DLGAP1: variants seen among roughly 807,000 people sequenced by gnomAD.
DLGAP1 encodes disks large-associated protein 1.
In DLGAP1, 11 loss-of-function variants were observed where a neutral mutation model predicts 90.8. The observed-to-expected ratio is 0.12, with a 90% CI of 0.08 to 0.20. DLGAP1 has a LOEUF of 0.20. DLGAP1 is among the 10% of genes least tolerant of loss of function. DLGAP1 has a pLI of 1.00. For missense variants in DLGAP1, 1,050 were observed against 1,333.8 expected (o/e 0.79, Z 3.31); for synonymous variants, 558 against 540.7 (o/e 1.03, Z -0.44).
chr18:4,061,025 T>A (rs4564683), intron 2 of DLGAP1, among the ~76,000 whole-genome samples: 11,416 of 152,074 alleles, frequency 0.075, 689 homozygotes, highest in African/African-American at 0.17. Flanking sequence ...TGGGGACATA[T>A]AAAGCTAGCC....
intron 1 of DLGAP1, among the ~76,000 whole-genome samples, chr18:4,433,037 G>C (rs553275959): frequency 6.6e-6 from 1 of 152,166 alleles, no homozygotes; most frequent in Non-Finnish European, 1.5e-5. Flanking sequence ...TAAAGTGGAG[G>C]GCCCCTCTGG....
chr18:4,158,658 A>G (rs1377503084), intron 1 of DLGAP1, among the ~76,000 whole-genome samples: 3 of 152,204 alleles, frequency 2.0e-5, no homozygotes, highest in Admixed American at 6.5e-5. Context: ...ACTTGACCAA[A>G]GTTCCTAATT....
rs1373509827 is a variant in DLGAP1 at position 4,053,124 on chromosome 18, C to T, written c.-158-47923G>A. ...CAAGTATCTTTACAGCAACGCCCTA[C>T]TGTCTGCAGTACCAATTTACTATAT... On this transcript the variant is annotated intron_variant, in intron 2 of 12. Coordinates refer to ENST00000315677, the MANE Select transcript of DLGAP1 (RefSeq NM_004746.4). 2.0e-5 allele frequency among the ~76,000 whole-genome samples: 3 copies of T among 152,192 alleles called. No homozygotes were observed. In the East Asian group the frequency reaches 5.8e-4, roughly 29 times the overall value.
chr18:3,924,560 GT>G (rs574421248), intron 3 of DLGAP1, among the ~76,000 whole-genome samples: 70 of 152,276 alleles, frequency 4.6e-4, no homozygotes, highest in African/African-American at 1.6e-3. Context: ...ACCCTTGGAG[GT>G]GAACTTGTTC....
intron 1 of DLGAP1, among the ~76,000 whole-genome samples, chr18:4,211,518 G>C (rs948183476): frequency 1.3e-5 from 2 of 152,140 alleles, no homozygotes; most frequent in African/African-American, 2.4e-5. Flanking sequence ...GATACCAATT[G>C]ATGTTGTATT....
At chr18:3,856,373 T>G (rs1219891736) in intron 4 of DLGAP1, among the ~76,000 whole-genome samples, 2 of 152,086 alleles carry the variant, frequency 1.3e-5, no homozygotes, top group Non-Finnish European at 2.9e-5. Context: ...AAAATAAGGT[T>G]GAATGCAAGA....
At chr18:4,419,482 GAAAT>G (rs1222737292) in intron 1 of DLGAP1, among the ~76,000 whole-genome samples, 3 of 152,118 alleles carry the variant, frequency 2.0e-5, no homozygotes, top group African/African-American at 7.2e-5. Flanking sequence ...TCTACACAAA[GAAAT>G]AAAGAGTGCT....
intron 3 of DLGAP1, among the ~76,000 whole-genome samples, chr18:4,000,237 T>TCCC (rs10646705): frequency 0.95 from 144,850 of 152,150 alleles, 68,956 homozygotes; most frequent in East Asian, 1. Flanking sequence ...TTTACTTTTC[T>TCCC]CATCCTACTA....
At chr18:4,239,100 G>A (rs2078477097) in intron 1 of DLGAP1, among the ~76,000 whole-genome samples, 1 of 152,182 alleles carries the variant, frequency 6.6e-6, no homozygotes, top group African/African-American at 2.4e-5. Context: ...AGTGCTGTTG[G>A]TATCACAGTC....
In DLGAP1 at chr18:3,650,284, T is replaced by A. The variant is rs145964588; in HGVS notation, c.1592-68036A>T. On this transcript the variant is annotated intron_variant, in intron 7 of 12. Transcript: ENST00000315677. ...ATCTTGAACTCCTGACCTCAAGTGA[T>A]GCTCCTGCTTCAGCCTCCCAAAGTG... 4.7e-3 allele frequency among the ~76,000 whole-genome samples: 714 copies of A among 152,286 alleles called. 6 individuals are homozygous for A. Among genetic ancestry groups the A allele is most frequent in the African/African-American group, 0.015 (638 of 41,562 alleles).
chr18:3,845,177 G>C, intron 4 of DLGAP1: 1 of 1,596,230 alleles, frequency 6.3e-7, no homozygotes. Flanking sequence ...CAGAAATCAA[G>C]CACAAAGAAA....
Position 4,088,549 on chromosome 18 carries a change from C to A in DLGAP1, c.-159+62631G>T, listed in dbSNP as rs138163059. Reference sequence around the variant, plus strand: ...TAGATTGTTTCTGCCTAATGAGTGCCTTTAACCATTCTTGTAGCACTGTCT... The same window carrying A: ...TAGATTGTTTCTGCCTAATGAGTGCATTTAACCATTCTTGTAGCACTGTCT... On this transcript the variant is annotated intron_variant, in intron 2 of 12. Transcript: ENST00000315677. 4.0e-3 allele frequency among the ~76,000 whole-genome samples: 608 copies of A among 152,114 alleles called. 2 individuals carry two copies. The highest frequency in any genetic ancestry group is 0.014 in the African/African-American group (564 of 41,500).
chr18:4,280,809 T>C (rs1036662695), intron 1 of DLGAP1: 1 of 152,196 alleles, frequency 6.6e-6, no homozygotes, highest in Non-Finnish European at 1.5e-5. Context: ...CTAACAGTGG[T>C]TGGGCATAGA....
intron 3 of DLGAP1, among the ~76,000 whole-genome samples, chr18:3,944,273 G>A (rs1275074486): frequency 6.6e-6 from 1 of 152,182 alleles, no homozygotes; most frequent in Non-Finnish European, 1.5e-5. Context: ...TGAGGCGAGT[G>A]GATCATGGAG....
intron 3 of DLGAP1, among the ~76,000 whole-genome samples, chr18:3,944,325 A>C (rs1166399159): frequency 6.6e-6 from 1 of 152,274 alleles, no homozygotes; most frequent in Non-Finnish European, 1.5e-5. Context: ...GTGAAACCCC[A>C]TCTCTACTAA....
chr18:3,659,605 G>A lies in DLGAP1; in HGVS notation c.1591+69530C>T, dbSNP rs556806689. ...TTTTGAGACAGAATCTCCCTCTGTC[G>A]CCCAGGCTGGAGTGCAGTGGTGCAA... On this transcript the variant is annotated intron_variant, in intron 7 of 12. Coordinates refer to ENST00000315677, the MANE Select transcript of DLGAP1 (RefSeq NM_004746.4). 5.6e-3 allele frequency among the ~76,000 whole-genome samples: 823 copies of A among 146,064 alleles called. 1 individual carries two copies. The highest frequency in any genetic ancestry group is 8.0e-3 in the Non-Finnish European group (535 of 67,012).
intron 2 of DLGAP1, among the ~76,000 whole-genome samples, chr18:4,038,201 G>A (rs971245606): frequency 5.3e-5 from 8 of 152,120 alleles, no homozygotes; most frequent in South Asian, 2.1e-4. Context: ...TTGATAACAC[G>A]TTTCAACCAA....
Position 3,512,854 on chromosome 18 carries a change from C to CT in DLGAP1, c.2480-4194dup, listed in dbSNP as rs550176423. Among the ~76,000 whole-genome samples, 175 of 152,238 alleles carry CT rather than the reference C, an allele frequency of 1.1e-3. 1 individual carries two copies. The highest frequency in any genetic ancestry group is 7.3e-3 in the South Asian group (35 of 4,816). ...GAAGCTATCCGAGTGTGATTTCCTTCTTTTTTTTCTTTACTGTGGTAAGAA... is the reference window on the plus strand; with the variant it reads ...GAAGCTATCCGAGTGTGATTTCCTTCTTTTTTTTTCTTTACTGTGGTAAGAA... On this transcript the variant is annotated intron_variant, in intron 10 of 12. Transcript: ENST00000315677.
chr18:4,054,419 T>C (rs1388624997), intron 2 of DLGAP1, among the ~76,000 whole-genome samples: 1 of 152,250 alleles, frequency 6.6e-6, no homozygotes, highest in Non-Finnish European at 1.5e-5. Context: ...AGAATCATTG[T>C]TCTGCATGGA....
Sources: allele counts gnomAD v4.1 joint callset (sites outside exome capture counted in the v4.1 genomes callset), GRCh38; gene constraint gnomAD v4.1.1; transcripts MANE v1.5; gene names NCBI Gene and HGNC (gene_info 2026-07-23, HGNC 2026-07-21).